ACBD5: variants seen among roughly 807,000 people sequenced by gnomAD.
ACBD5 encodes the protein acyl-CoA binding domain containing 5, also known as acyl-CoA-binding domain-containing protein 5.
Under a neutral mutation model 71.8 loss-of-function variants are expected in ACBD5, and 40 were observed. That is an observed-to-expected ratio of 0.56 (90% CI 0.43 to 0.72). The LOEUF is 0.72. ACBD5 is among the 30% of genes least tolerant of loss of function. The pLI is 0.00. For missense variants in ACBD5, 559 were observed against 644.5 expected (o/e 0.87, Z 1.44); for synonymous variants, 229 against 218.6 (o/e 1.05, Z -0.42).
At chr10:27,186,590 TTA>T in intron 13 of ACBD5, 2 of 1,424,132 alleles carry the variant, frequency 1.4e-6, no homozygotes, top group South Asian at 2.3e-5. Flanking sequence ...ACTTGCATAA[TTA>T]TATACTCCTT....
chr10:27,230,098 TAAA>T (rs11375772), intron 4 of ACBD5, among the ~76,000 whole-genome samples: 3 of 143,968 alleles, frequency 2.1e-5, no homozygotes, highest in African/African-American at 2.5e-5. Context: ...AAATTTAAGG[TAAA>T]AAAAAAAAAA....
chr10:27,210,786 G>A lies in ACBD5; in HGVS notation c.1204+28C>T, dbSNP rs1460619704. ...AAAATAAGTAAGTAAATCAATAAAG[G>A]TGAGGGAAGAAAAAAGGTAATCCAC... On this transcript the variant is annotated intron_variant, in intron 9 of 12. Transcript: ENST00000396271. The A allele has an allele frequency of 3.1e-6, 5 of 1,613,788 alleles. No homozygotes were observed. In the South Asian group the frequency reaches 5.5e-5, roughly 18 times the overall value.
chr10:27,240,547 C>A lies in ACBD5; in HGVS notation c.16-63G>T, dbSNP rs1427497952. On this transcript the variant is annotated intron_variant, in intron 1 of 12. Coordinates refer to ENST00000396271, the MANE Select transcript of ACBD5 (RefSeq NM_145698.5). The surrounding 1 kb of genome is among the most constrained non-coding windows in gnomAD (Gnocchi z 4.1). Reference sequence around the variant, plus strand: ...AAAAGGAGGAGGCCCGGGAGCGAAGCGGGTCAGTTCCCCTTTGCCCTGCCC... The same window carrying A: ...AAAAGGAGGAGGCCCGGGAGCGAAGAGGGTCAGTTCCCCTTTGCCCTGCCC... 3 of 1,550,120 alleles carry A rather than the reference C, an allele frequency of 1.9e-6. No homozygotes were observed. The highest frequency in any genetic ancestry group is 2.0e-5 in the Admixed American group (1 of 50,934).
At chr10:27,217,015 G>A (rs1056857250) in intron 7 of ACBD5, among the ~76,000 whole-genome samples, 33 of 148,584 alleles carry the variant, frequency 2.2e-4, no homozygotes, top group Non-Finnish European at 4.6e-4. Context: ...GCATGGTGGC[G>A]GGCACCTGTA....
chr10:27,228,854 C>CCG (rs201156329), intron 4 of ACBD5, among the ~76,000 whole-genome samples: 1 of 110,422 alleles, frequency 9.1e-6, no homozygotes, highest in Admixed American at 1.1e-4. Context: ...AGATTATTGC[C>CCG]GTTACCCAGG....
chr10:27,208,442 T>G lies in ACBD5; in HGVS notation c.1208A>C (p.His403Pro), dbSNP rs754756454. 6.2e-7 allele frequency: 1 copy of G among 1,613,650 alleles called. No homozygotes were observed. The highest frequency in any genetic ancestry group is 8.5e-7 in the Non-Finnish European group (1 of 1,180,014). ...EFSNVRRGRGHRMQHLSEGTK... is the reference protein window; with the variant it reads ...EFSNVRRGRGPRMQHLSEGTK... Reference sequence around the variant, plus strand: ...TCCTTCGCTCAAGTGTTGCATCCTATGTCCTATTTTAAGAGGCAAAAATAA... The same window carrying G: ...TCCTTCGCTCAAGTGTTGCATCCTAGGTCCTATTTTAAGAGGCAAAAATAA... The change falls in exon 10 of 13, where the codon CAT (histidine) becomes CCT (proline). Residue 403 changes from histidine to proline, a missense_variant. Physicochemically the swap from His to Pro is moderately conservative, Grantham distance 77 (BLOSUM62 -2). Transcript: ENST00000396271.
chr10:27,210,218 T>G (rs950088395), intron 9 of ACBD5, among the ~76,000 whole-genome samples: 1 of 152,250 alleles, frequency 6.6e-6, no homozygotes, highest in Non-Finnish European at 1.5e-5. Context: ...GGAAATTGTC[T>G]AGCTCATTGC....
chr10:27,209,012 T>C (rs1436364840), intron 9 of ACBD5, among the ~76,000 whole-genome samples: 1 of 152,150 alleles, frequency 6.6e-6, no homozygotes, highest in Non-Finnish European at 1.5e-5. Context: ...TGCAAATAAT[T>C]CACAAATAAT....
chr10:27,222,208 A>G (rs1175395721), intron 5 of ACBD5, among the ~76,000 whole-genome samples: 1 of 152,162 alleles, frequency 6.6e-6, no homozygotes, highest in African/African-American at 2.4e-5. Context: ...AGGGAAAAAA[A>G]GGGGATGCCA....
At chr10:27,232,327 T>TG (rs1491060539) in intron 3 of ACBD5, 74 of 8,210 alleles carry the variant, frequency 9.0e-3, no homozygotes, top group African/African-American at 0.077. Context: ...AGGCATGGGT[T>TG]TTTTTTTTTT....
At chr10:27,186,876 CT>C (rs1202418066) in intron 13 of ACBD5, 1 of 321,018 alleles carries the variant, frequency 3.1e-6, no homozygotes, top group Non-Finnish European at 5.9e-6. Flanking sequence ...TTTCAGTTCA[CT>C]GTTCAGTTTA....
At chr10:27,239,997 C>G (rs2065262396) in intron 2 of ACBD5, among the ~76,000 whole-genome samples, 1 of 152,208 alleles carries the variant, frequency 6.6e-6, no homozygotes, top group Admixed American at 6.5e-5. Flanking sequence ...ATCCATCCAC[C>G]TCGGCCTCCC....
At chr10:27,204,863 C>G (rs1396600715) in intron 11 of ACBD5, among the ~76,000 whole-genome samples, 1 of 152,160 alleles carries the variant, frequency 6.6e-6, no homozygotes, top group Non-Finnish European at 1.5e-5. Context: ...CGCGGTGGCT[C>G]ACACCTGTAA....
At position 27,235,168 on chromosome 10, in the gene ACBD5, A is replaced by G; in HGVS notation, c.226T>C (p.Phe76Leu). ...TNEMMLKFYS[F>L]YKQATEGPCK... is the part of the protein sequence containing the mutation. ...GGTCCTTCAGTTGCCTGCTTATAGA[A>G]GCTATAAAATTTAAGCATCATTTCA... Residue 76 changes from phenylalanine to leucine, a missense_variant, in exon 3 of 13, where the codon TTC becomes CTC. By Grantham distance (22) the Phe-to-Leu change is conservative (BLOSUM62 0). Transcript: ENST00000396271. 1 of 1,613,950 alleles carries G rather than the reference A, an allele frequency of 6.2e-7. No homozygotes were observed.
rs931449575 is a variant in ACBD5 at position 27,215,723 on chromosome 10, G to A, written c.830-82C>T. On this transcript the variant is annotated intron_variant, in intron 7 of 12. Transcript: ENST00000396271. ...ATTTATTCCTTTGTTTTTTTGAGAT[G>A]GAGTCTTGCTCTGTTGCCCAGGCTG... 6 of 1,018,574 alleles carry A rather than the reference G, an allele frequency of 5.9e-6. No homozygotes were observed. The East Asian group carries it at 1.4e-4, about 23-fold the overall frequency. 63.1% of individuals were successfully genotyped at this position (1,018,574 alleles called of 1,614,324 possible).
chr10:27,192,775 G>A (rs1253171613), downstream of ACBD5, among the ~76,000 whole-genome samples: 1 of 152,080 alleles, frequency 6.6e-6, no homozygotes, highest in African/African-American at 2.4e-5. Context: ...TTCAAGACCA[G>A]CCTGGCCAAT....
intron 12 of ACBD5, among the ~76,000 whole-genome samples, chr10:27,199,839 C>A (rs788198): frequency 1 from 151,986 of 152,200 alleles, 75,887 homozygotes; most frequent in Middle Eastern, 1. Context: ...AAAATATAAA[C>A]AAATTAGCCG....
At chr10:27,232,344 T>C (rs1191611588) in intron 3 of ACBD5, 6 of 127,470 alleles carry the variant, frequency 4.7e-5, no homozygotes, top group East Asian at 2.2e-4. Context: ...TTTTTTTTTT[T>C]CTGAGACAGA....
chr10:27,185,293 A>G (rs2058621097), intron 13 of ACBD5, among the ~76,000 whole-genome samples: 1 of 152,190 alleles, frequency 6.6e-6, no homozygotes, highest in Admixed American at 6.5e-5. Flanking sequence ...ATCAAGGAGC[A>G]GAAAGTAGGC....
Sources: gnomAD v4.1 joint callset for allele counts (sites outside exome capture counted in the v4.1 genomes callset) on GRCh38, gnomAD v4.1.1 for gene constraint, Gnocchi (gnomAD v3.1) non-coding constraint, MANE v1.5 for transcripts, NCBI Gene and HGNC (gene_info 2026-07-23, HGNC 2026-07-21) for gene names.